Variants in TBC1D8 observed in about 807,000 individuals in gnomAD.
TBC1D8 encodes BUB2-like protein 1.
In TBC1D8, 65 loss-of-function variants were observed where a neutral mutation model predicts 118.8. The ratio of observed to expected loss-of-function variants is 0.55; its 90% confidence interval spans 0.45 to 0.67. TBC1D8 has a LOEUF of 0.67. TBC1D8 is among the 30% of genes least tolerant of loss of function. The probability of loss-of-function intolerance (pLI) is 0.00; values close to 1 mark genes in which losing one functional copy is unlikely to be tolerated. For synonymous variants in TBC1D8, 566 were observed against 595.8 expected (o/e 0.95, Z 0.73); for missense variants, 1,376 against 1,471.2 (o/e 0.94, Z 1.06).
At chr2:101,149,351 G>C (rs1224267340) in intron 1 of TBC1D8, among the ~76,000 whole-genome samples, 1 of 152,108 alleles carries the variant, frequency 6.6e-6, no homozygotes, top group African/African-American at 2.4e-5. Flanking sequence ...ACAGGAAGCG[G>C]GCTTGAAGCC....
chr2:101,056,238 C>G (rs1682425743), intron 3 of TBC1D8, among the ~76,000 whole-genome samples: 1 of 150,260 alleles, frequency 6.7e-6, no homozygotes, highest in Non-Finnish European at 1.5e-5. Context: ...CAGTCTCGCT[C>G]TGTCGCCCAG....
intron 11 of TBC1D8, 135 bp from the exon 12 acceptor site, chr2:101,029,911 C>G (rs1680572180): frequency 1.2e-6 from 1 of 867,404 alleles, no homozygotes; most frequent in African/African-American, 1.7e-5. Context: ...ATGCTTAGTT[C>G]ATTGATTCTG....
intron 1 of TBC1D8, among the ~76,000 whole-genome samples, chr2:101,136,212 T>C (rs1187938220): frequency 6.6e-6 from 1 of 151,898 alleles, no homozygotes; most frequent in Non-Finnish European, 1.5e-5. Context: ...GTTTGGGCCA[T>C]GGGGGTGGAT....
chr2:101,017,229 G>C (rs1267353069), intron 17 of TBC1D8, among the ~76,000 whole-genome samples: 1 of 152,000 alleles, frequency 6.6e-6, no homozygotes, highest in Non-Finnish European at 1.5e-5. Flanking sequence ...GTGCCTTCTG[G>C]AATAGCGCCT....
intron 1 of TBC1D8, among the ~76,000 whole-genome samples, chr2:101,147,502 T>G (rs569673425): frequency 7.2e-5 from 11 of 152,284 alleles, no homozygotes; most frequent in African/African-American, 2.6e-4. Flanking sequence ...ATAATAGCCA[T>G]TCTAAGAAAA....
In TBC1D8 at chr2:101,080,817, C is replaced by G. The variant is rs370874587; in HGVS notation, c.283+9392G>C. ...TTTTTTTTGGAGACAGGGTCTTGCT[C>G]TGTTGCCCAGGCTGGAGTACAGTAG... On this transcript the variant is annotated intron_variant, in intron 2 of 19. Coordinates refer to ENST00000409318, the MANE Select transcript of TBC1D8 (RefSeq NM_001330348.2). Among the ~76,000 whole-genome samples, 55 of 151,790 alleles carry G rather than the reference C, an allele frequency of 3.6e-4. 1 individual carries two copies. The highest frequency in any genetic ancestry group is 9.4e-4 in the African/African-American group (39 of 41,452).
intron 4 of TBC1D8, among the ~76,000 whole-genome samples, chr2:101,053,803 T>C (rs1056411151): frequency 1.6e-4 from 25 of 152,184 alleles, no homozygotes; most frequent in Non-Finnish European, 3.4e-4. Context: ...GTTCTCCACT[T>C]TGAGAAATAT....
chr2:101,102,992 G>A (rs543925940), intron 1 of TBC1D8, among the ~76,000 whole-genome samples: 62 of 152,202 alleles, frequency 4.1e-4, no homozygotes, highest in African/African-American at 1.5e-3. Context: ...GAGGGAACAC[G>A]CGAATTCATT....
Position 101,037,686 on chromosome 2 carries a change from G to C in TBC1D8, c.1298C>G (p.Thr433Arg). The change falls in exon 8 of 20, where the codon ACA (threonine) becomes AGA (arginine). Residue 433 changes from threonine to arginine, a missense_variant. Transcript: ENST00000409318. ...DDMASLVFHS[T>R]SMCSDHRFGD... The stretch of plus-strand genomic sequence containing the variant: ...AAATCTGTGGTCACTGCACATGCTT[G>C]TTGAATGAAACACGAGTGAAGCCTG... The C allele has an allele frequency of 6.2e-7, 1 of 1,613,684 alleles. No homozygotes were observed. Among genetic ancestry groups the C allele is most frequent in the Non-Finnish European group, 8.5e-7 (1 of 1,179,892 alleles).
At chr2:101,081,873 T>C (rs1675287316) in intron 2 of TBC1D8, among the ~76,000 whole-genome samples, 1 of 152,160 alleles carries the variant, frequency 6.6e-6, no homozygotes, top group African/African-American at 2.4e-5. Context: ...GTGTGGTGGC[T>C]CATGCCTGCA....
intron 12 of TBC1D8, 67 bp downstream of exon 12, chr2:101,029,424 G>A: frequency 6.6e-7 from 1 of 1,503,838 alleles, no homozygotes; most frequent in Non-Finnish European, 9.0e-7. Flanking sequence ...CCCACCGATA[G>A]CCCTGCTGGG....
rs1573918880 is a variant in TBC1D8, at chr2:101,040,081, T to C, written c.1080+97A>G. 3 of 1,408,448 alleles carry C rather than the reference T, an allele frequency of 2.1e-6. No individual in the cohort carries two copies. In the East Asian group the frequency reaches 6.9e-5, roughly 32 times the overall value. The allele number at this position is 1,408,448 out of a possible 1,614,324, so 87.2% of individuals were successfully genotyped here. A position where few individuals can be genotyped will look rare whatever the true frequency, so the allele number is the denominator to read the frequency against. Reference sequence around the variant, plus strand: ...ATCTTTAGATGGCAAAACTGTGCCGTCTGAACTTCCCCTCCCACACTCCAT... The same window carrying C: ...ATCTTTAGATGGCAAAACTGTGCCGCCTGAACTTCCCCTCCCACACTCCAT... On this transcript the variant is annotated intron_variant, in intron 6 of 19. Coordinates refer to ENST00000409318, the MANE Select transcript of TBC1D8 (RefSeq NM_001330348.2).
rs780087540 is a variant in TBC1D8, at chr2:101,029,673, G to C, written c.2040C>G (p.Leu680=). ...TGAGGAACAGGGTCAGGAACCACGA[G>C]AGAGAGACGGACGCCAGGGCTGAGA... The part of the protein sequence containing the change: ...NDLSALASVS[L]SWFLTLFLSI... The change falls in exon 12 of 20, where the codon CTC becomes CTG. Residue 680 remains leucine (L), a synonymous_variant. Coordinates refer to ENST00000409318, the MANE Select transcript of TBC1D8 (RefSeq NM_001330348.2). 9.3e-6 allele frequency: 15 copies of C among 1,613,920 alleles called. No individual in the cohort carries two copies. The highest frequency in any genetic ancestry group is 8.5e-7 in the Non-Finnish European group (1 of 1,179,912).
intron 5 of TBC1D8, among the ~76,000 whole-genome samples, chr2:101,047,541 G>A (rs1056241120): frequency 5.3e-5 from 8 of 152,200 alleles, no homozygotes; most frequent in Non-Finnish European, 1.0e-4. Flanking sequence ...TATACCCACA[G>A]GCCCACGTCT....
intron 1 of TBC1D8, among the ~76,000 whole-genome samples, chr2:101,097,464 A>G (rs2105465488): frequency 6.6e-6 from 1 of 152,254 alleles, no homozygotes; most frequent in East Asian, 1.9e-4. Context: ...TAATAGTAAG[A>G]ATGTACTGGG....
chr2:101,024,569 G>C (rs1019039284), intron 15 of TBC1D8, among the ~76,000 whole-genome samples: 1 of 151,934 alleles, frequency 6.6e-6, no homozygotes, highest in Non-Finnish European at 1.5e-5. Context: ...ACCACACTCG[G>C]CTAATTTTTG....
chr2:101,044,126 A>G (rs371988109), intron 5 of TBC1D8, among the ~76,000 whole-genome samples: 62 of 152,286 alleles, frequency 4.1e-4, no homozygotes, highest in African/African-American at 1.4e-3. Flanking sequence ...TTCCCTGTAG[A>G]CATCTGTCTT....
At chr2:101,142,492 C>T (rs911115430) in intron 1 of TBC1D8, among the ~76,000 whole-genome samples, 10 of 152,084 alleles carry the variant, frequency 6.6e-5, no homozygotes, top group Admixed American at 1.3e-4. Context: ...GCTTTATCTA[C>T]TAAAACAACT....
At chr2:101,021,901 T>TA (rs1252300110) in intron 16 of TBC1D8, among the ~76,000 whole-genome samples, 155 bp from the exon 17 acceptor site, 3 of 152,170 alleles carry the variant, frequency 2.0e-5, no homozygotes, top group South Asian at 2.1e-4. Context: ...ATGAAAGTGT[T>TA]AAAGACTGGG....
Sources: allele counts gnomAD v4.1 joint callset (sites outside exome capture counted in the v4.1 genomes callset), GRCh38; gene constraint gnomAD v4.1.1; transcripts MANE v1.5; gene names NCBI Gene and HGNC (gene_info 2026-07-23, HGNC 2026-07-21).